Variants in COX10 observed in about 807,000 individuals in gnomAD.
The protein encoded by COX10 is protoheme IX farnesyltransferase, mitochondrial.
A neutral mutation model predicts 37.3 loss-of-function variants in COX10; 27 were observed. That is an observed-to-expected ratio of 0.72 (90% CI 0.53 to 1.00). The LOEUF (loss-of-function observed/expected upper bound fraction) is 1.00, where lower values mean the gene tolerates loss of function less well. Ranked by LOEUF, COX10 falls within the 50% of genes least tolerant of loss-of-function variation. COX10 has a pLI of 0.00. For missense variants in COX10, 475 were observed against 563.2 expected (o/e 0.84, Z 1.59); for synonymous variants, 222 against 229.1 (o/e 0.97, Z 0.28).
intron 4 of COX10, among the ~76,000 whole-genome samples, chr17:14,151,859 C>T (rs1160689243): frequency 6.6e-6 from 1 of 152,146 alleles, no homozygotes. Context: ...AATTTTTCAA[C>T]ACATTATATA....
chr17:14,161,932 C>T (rs760630372), intron 5 of COX10, among the ~76,000 whole-genome samples: 1 of 152,168 alleles, frequency 6.6e-6, no homozygotes, highest in Non-Finnish European at 1.5e-5. Context: ...TATACACATC[C>T]TATTGGTTCT....
chr17:14,159,552 G>A (rs1252299639), intron 4 of COX10, among the ~76,000 whole-genome samples: 1 of 152,084 alleles, frequency 6.6e-6, no homozygotes, highest in Admixed American at 6.6e-5. Flanking sequence ...GAGTATGTGT[G>A]GATTTGGTTA....
intron 6 of COX10, among the ~76,000 whole-genome samples, chr17:14,202,539 G>A (rs895986703): frequency 2.0e-5 from 3 of 152,128 alleles, no homozygotes; most frequent in Admixed American, 1.3e-4. Context: ...ACCTATAGGC[G>A]GGGTTGTTGT....
intron 5 of COX10, among the ~76,000 whole-genome samples, chr17:14,190,413 C>G (rs1196816233): frequency 2.0e-5 from 3 of 152,064 alleles, no homozygotes; most frequent in Admixed American, 1.3e-4. Flanking sequence ...AAGAGATGGC[C>G]CAGGAACAGG....
intron 5 of COX10, among the ~76,000 whole-genome samples, chr17:14,164,924 T>A (rs2856183): frequency 0.59 from 89,629 of 152,000 alleles, 26,877 homozygotes; most frequent in East Asian, 0.72. Context: ...ATGATTGTAA[T>A]ATGGGCTGAA....
At chr17:14,125,550 G>C (rs548150679) in intron 4 of COX10, among the ~76,000 whole-genome samples, 1 of 152,100 alleles carries the variant, frequency 6.6e-6, no homozygotes, top group East Asian at 1.9e-4. Flanking sequence ...TTTGAGAGAG[G>C]ATTACAAAGG....
intron 3 of COX10, among the ~76,000 whole-genome samples, chr17:14,094,120 G>A (rs981971643): frequency 6.6e-6 from 1 of 152,084 alleles, no homozygotes; most frequent in African/African-American, 2.4e-5. Flanking sequence ...TTAGACCCTG[G>A]TAGATTTTAC....
intron 3 of COX10, among the ~76,000 whole-genome samples, chr17:14,091,151 A>G (rs1231117826): frequency 6.6e-6 from 1 of 152,086 alleles, no homozygotes; most frequent in Non-Finnish European, 1.5e-5. Flanking sequence ...GTCTCTTTCA[A>G]CTGCTGTCAT....
At chr17:14,204,753 A>G (rs1236403130) in intron 6 of COX10, among the ~76,000 whole-genome samples, 2 of 147,372 alleles carry the variant, frequency 1.4e-5, no homozygotes, top group East Asian at 2.0e-4. Flanking sequence ...GCAGGCACAC[A>G]TGCTCAGCAC....
intron 5 of COX10, chr17:14,182,200 G>C: frequency 2.2e-6 from 2 of 899,650 alleles, no homozygotes; most frequent in Non-Finnish European, 2.7e-6. Context: ...AGGCTGAGGT[G>C]GGAGAATCAC....
chr17:14,135,516 A>T (rs1904336061), intron 4 of COX10, among the ~76,000 whole-genome samples: 1 of 151,840 alleles, frequency 6.6e-6, no homozygotes, highest in Non-Finnish European at 1.5e-5. Context: ...AGACCCAGGG[A>T]TCTGCATTTA....
At chr17:14,097,313 T>C (rs1915672601) in intron 3 of COX10, among the ~76,000 whole-genome samples, 1 of 145,768 alleles carries the variant, frequency 6.9e-6, no homozygotes, top group Non-Finnish European at 1.5e-5. Flanking sequence ...TTTGTTAGCT[T>C]TTGGGTTTTT....
intron 5 of COX10, among the ~76,000 whole-genome samples, chr17:14,173,789 C>T (rs1214334768): frequency 1.3e-5 from 2 of 152,180 alleles, no homozygotes; most frequent in Non-Finnish European, 2.9e-5. Flanking sequence ...TCATTGTTTA[C>T]ATGGAAAATT....
chr17:14,113,986 C>A (rs967394883), intron 4 of COX10, among the ~76,000 whole-genome samples: 2 of 152,118 alleles, frequency 1.3e-5, no homozygotes, highest in African/African-American at 2.4e-5. Flanking sequence ...TTGGCCTAAT[C>A]GCCTCTCATT....
chr17:14,155,455 C>T lies in COX10; in HGVS notation c.625-4422C>T, dbSNP rs557184382. Among the ~76,000 whole-genome samples the T allele has an allele frequency of 5.0e-3, 757 of 152,110 alleles. 2 individuals are homozygous for T. The highest frequency in any genetic ancestry group is 0.017 in the African/African-American group (724 of 41,504). On this transcript the variant is annotated intron_variant, in intron 4 of 6. Coordinates refer to ENST00000261643, the MANE Select transcript of COX10 (RefSeq NM_001303.4). ...GTGAGGCCGGGCACGGTGGCTCACG[C>T]CTGTAATCCTAGCACTTTGGGAGGC... is the stretch of plus-strand genomic sequence containing the variant.
At chr17:14,109,988 G>C (rs1269280490) in intron 4 of COX10, among the ~76,000 whole-genome samples, 1 of 152,046 alleles carries the variant, frequency 6.6e-6, no homozygotes, top group Non-Finnish European at 1.5e-5. Flanking sequence ...GTTGAGTCTA[G>C]ATTCCTGGGA....
chr17:14,151,783 C>T (rs1049347176), intron 4 of COX10, among the ~76,000 whole-genome samples: 2 of 152,122 alleles, frequency 1.3e-5, no homozygotes, highest in Non-Finnish European at 2.9e-5. Context: ...AATGTTCAGG[C>T]AGAACCTTTT....
At chr17:14,140,728 G>T (rs1904514863) in intron 4 of COX10, among the ~76,000 whole-genome samples, 3 of 152,012 alleles carry the variant, frequency 2.0e-5, no homozygotes, top group Admixed American at 2.0e-4. Flanking sequence ...GGCAATATAA[G>T]ATTTAGATTA....
intron 4 of COX10, among the ~76,000 whole-genome samples, chr17:14,159,110 C>A (rs183190740): frequency 2.3e-3 from 346 of 152,228 alleles, no homozygotes; most frequent in African/African-American, 8.1e-3. Flanking sequence ...ATTGTCCAAG[C>A]TAGGATGCTT....
Sources: gnomAD v4.1 joint callset for allele counts (sites outside exome capture counted in the v4.1 genomes callset) on GRCh38, gnomAD v4.1.1 for gene constraint, MANE v1.5 for transcripts, NCBI Gene and HGNC (gene_info 2026-07-23, HGNC 2026-07-21) for gene names.